The following PAPPA variants were observed in gnomAD, a reference collection of about 807,000 sequenced individuals.
PAPPA encodes pappalysin 1.
Under a neutral mutation model 164.0 loss-of-function variants are expected in PAPPA, and 60 were observed. The observed-to-expected ratio is 0.37, with a 90% confidence interval of 0.30 to 0.45. PAPPA has a LOEUF of 0.45. Ranked by LOEUF, PAPPA falls within the 20% of genes least tolerant of loss-of-function variation. The pLI, the probability that PAPPA is intolerant of heterozygous loss-of-function variation, is 1.00. For missense variants in PAPPA, 1,782 were observed against 2,087.3 expected (o/e 0.85, Z 2.85); for synonymous variants, 875 against 814.1 (o/e 1.07, Z -1.27).
At chr9:116,243,202 C>T (rs1243531048) in intron 7 of PAPPA, among the ~76,000 whole-genome samples, 2 of 152,184 alleles carry the variant, frequency 1.3e-5, no homozygotes, top group African/African-American at 4.8e-5. Context: ...TGATTTAGTA[C>T]AATCCCTGTG....
chr9:116,284,676 A>G (rs1036486221), intron 9 of PAPPA, among the ~76,000 whole-genome samples: 20 of 151,428 alleles, frequency 1.3e-4, no homozygotes, highest in Non-Finnish European at 2.9e-4. Flanking sequence ...ACCTGCTGCA[A>G]GTGTTTTTCC....
chr9:116,390,129 T>C (rs1188363531), intron 21 of PAPPA, among the ~76,000 whole-genome samples: 1 of 152,218 alleles, frequency 6.6e-6, no homozygotes, highest in Non-Finnish European at 1.5e-5. Context: ...AATGAATTCA[T>C]GTCTTATGGA....
chr9:116,336,939 C>T (rs1056175097), intron 13 of PAPPA, among the ~76,000 whole-genome samples: 1 of 152,132 alleles, frequency 6.6e-6, no homozygotes, highest in Admixed American at 6.5e-5. Context: ...TAGAAAGGAA[C>T]ATTATCTTAT....
chr9:116,185,018 A>G (rs985655288), intron 1 of PAPPA, among the ~76,000 whole-genome samples: 2 of 152,348 alleles, frequency 1.3e-5, no homozygotes, highest in South Asian at 4.1e-4. Flanking sequence ...TCCTAAAAGT[A>G]AAAAGAGTTC....
At chr9:116,165,093 C>A (rs533116459) in intron 1 of PAPPA, among the ~76,000 whole-genome samples, 1 of 152,250 alleles carries the variant, frequency 6.6e-6, no homozygotes, top group South Asian at 2.1e-4. Flanking sequence ...TGCATGACTG[C>A]CCAAAAGCTT....
At chr9:116,169,027 C>T (rs892007680) in intron 1 of PAPPA, among the ~76,000 whole-genome samples, 1 of 152,072 alleles carries the variant, frequency 6.6e-6, no homozygotes, top group African/African-American at 2.4e-5. Context: ...TAAGGAATAA[C>T]ATAAGGTGAT....
At chr9:116,188,938 A>G (rs986389570) in intron 2 of PAPPA, among the ~76,000 whole-genome samples, 1 of 152,218 alleles carries the variant, frequency 6.6e-6, no homozygotes, top group African/African-American at 2.4e-5. Flanking sequence ...CTTACAGCAC[A>G]TCATTAATTC....
chr9:116,218,532 A>G (rs775471662), intron 4 of PAPPA, among the ~76,000 whole-genome samples: 1 of 152,076 alleles, frequency 6.6e-6, no homozygotes, highest in Non-Finnish European at 1.5e-5. Flanking sequence ...GTTGAATAAA[A>G]CTGTTGGAGG....
At chr9:116,333,675 C>G (rs1321965642) in intron 12 of PAPPA, among the ~76,000 whole-genome samples, 1 of 152,160 alleles carries the variant, frequency 6.6e-6, no homozygotes, top group African/African-American at 2.4e-5. Flanking sequence ...AGAAAGAAAA[C>G]CCCTCTGGAC....
At chr9:116,158,653 G>A (rs1054378228) in intron 1 of PAPPA, among the ~76,000 whole-genome samples, 1 of 152,194 alleles carries the variant, frequency 6.6e-6, no homozygotes, top group Admixed American at 6.5e-5. Flanking sequence ...TATTAGACAT[G>A]ATTTTCCAAA....
At chr9:116,170,739 A>G (rs1273122501) in intron 1 of PAPPA, among the ~76,000 whole-genome samples, 7 of 150,854 alleles carry the variant, frequency 4.6e-5, no homozygotes, top group Non-Finnish European at 5.9e-5. Flanking sequence ...CTATCCATCC[A>G]TCTATCCATC....
In PAPPA at chr9:116,396,564, C is replaced by T; in HGVS notation, c.4832C>T (p.Pro1611Leu). Reference sequence around the variant, plus strand: ...CAAGGTGACTGTGCTTGTCGGGACCCCCAGGCCCAAGAACACAGCCGGAAA... The same window carrying T: ...CAAGGTGACTGTGCTTGTCGGGACCTCCAGGCCCAAGAACACAGCCGGAAA... Reference protein sequence around the residue: ...DLQGDCACRDPQAQEHSRKDL... With the variant: ...DLQGDCACRDLQAQEHSRKDL... Residue 1611 changes from proline to leucine, a missense_variant, in exon 22 of 22, where the codon CCC becomes CTC. This residue lies in a region of PAPPA where 1,324 missense variants were observed against 1,656.9 expected (regional missense o/e 0.80). Coordinates refer to ENST00000328252, the MANE Select transcript of PAPPA (RefSeq NM_002581.5). 1 of 780,858 alleles carries T rather than the reference C, an allele frequency of 1.3e-6. No individual in the cohort carries two copies. Among genetic ancestry groups the T allele is most frequent in the Non-Finnish European group, 2.4e-6 (1 of 418,004 alleles). 48.4% of individuals were successfully genotyped at this position (780,858 alleles called of 1,614,324 possible). A position where few individuals can be genotyped will look rare whatever the true frequency, so the allele number is the denominator to read the frequency against.
At chr9:116,351,707 G>A (rs1253289847) in intron 15 of PAPPA, among the ~76,000 whole-genome samples, 2 of 152,138 alleles carry the variant, frequency 1.3e-5, no homozygotes, top group East Asian at 3.8e-4. Context: ...TCCAAATAAA[G>A]ACTGTCATAC....
chr9:116,344,625 C>G lies in PAPPA; in HGVS notation c.3694C>G (p.Arg1232Gly). 1.2e-6 allele frequency: 2 copies of G among 1,614,156 alleles called. No homozygotes were observed. The highest frequency in any genetic ancestry group is 1.7e-6 in the Non-Finnish European group (2 of 1,180,020). Residue 1232 changes from arginine (R) to glycine (G), a missense_variant, in exon 14 of 22, where the codon CGC (arginine) becomes GGC (glycine). Physicochemically the swap from Arg to Gly is moderately radical, Grantham distance 125 (BLOSUM62 -2). Coordinates refer to ENST00000328252, the MANE Select transcript of PAPPA (RefSeq NM_002581.5). ...TTCTCTCAATTGCTCCAGCAGCGAC[C>G]GCTACCACGGTGCCCAGTGTACTGT... The part of the protein sequence containing the change: ...NASLNCSSSD[R>G]YHGAQCTVSC...
chr9:116,261,708 A>C (rs112932486), intron 7 of PAPPA, among the ~76,000 whole-genome samples: 270 of 152,260 alleles, frequency 1.8e-3, no homozygotes, highest in African/African-American at 6.2e-3. Flanking sequence ...ATTTTAGTGT[A>C]AGTTGTGCTC....
chr9:116,365,175 G>A (rs570970308), intron 18 of PAPPA, among the ~76,000 whole-genome samples: 1 of 152,292 alleles, frequency 6.6e-6, no homozygotes, highest in Non-Finnish European at 1.5e-5. Context: ...GGCCTTATAA[G>A]CAGGGGTGAG....
In PAPPA at chr9:116,211,729, A is replaced by G; in HGVS notation, c.1715A>G (p.His572Arg). 6.2e-7 allele frequency: 1 copy of G among 1,614,024 alleles called. No individual in the cohort carries two copies. The highest frequency in any genetic ancestry group is 8.5e-7 in the Non-Finnish European group (1 of 1,179,964). Residue 572 changes from histidine to arginine, a missense_variant, in exon 4 of 22, where the codon CAC (histidine) becomes CGC (arginine). His to Arg is a conservative substitution (Grantham distance 29). Coordinates refer to ENST00000328252, the MANE Select transcript of PAPPA (RefSeq NM_002581.5). Reference sequence around the variant, plus strand: ...ATTGGTCACAGCCTGGGCCTCTATCACGTCTTCCGAGGCATCTCAGAAATC... The same window carrying G: ...ATTGGTCACAGCCTGGGCCTCTATCGCGTCTTCCGAGGCATCTCAGAAATC... Reference protein sequence around the residue: ...HEIGHSLGLYHVFRGISEIQS... With the variant: ...HEIGHSLGLYRVFRGISEIQS...
At chr9:116,267,091 T>A (rs1374326690) in intron 8 of PAPPA, among the ~76,000 whole-genome samples, 1 of 152,232 alleles carries the variant, frequency 6.6e-6, no homozygotes, top group Non-Finnish European at 1.5e-5. Context: ...TGCTTCACAG[T>A]TGGATGAAAC....
intron 12 of PAPPA, 107 bp from the exon 13 acceptor site, chr9:116,334,754 C>A: frequency 1.4e-6 from 1 of 716,398 alleles, no homozygotes; most frequent in Non-Finnish European, 2.4e-6. Flanking sequence ...TGCTTTTGTG[C>A]AGTGACATGA....
Sources: allele counts gnomAD v4.1 joint callset (sites outside exome capture counted in the v4.1 genomes callset), GRCh38; gene constraint gnomAD v4.1.1; regional missense constraint gnomAD v4.1.1; transcripts MANE v1.5; gene names NCBI Gene and HGNC (gene_info 2026-07-23, HGNC 2026-07-21).